The following DNAAF5 variants were observed in gnomAD, a reference collection of about 807,000 sequenced individuals.
DNAAF5 encodes the protein dynein axonemal assembly factor 5.
A neutral mutation model predicts 75.8 loss-of-function variants in DNAAF5; 64 were observed. That is an observed-to-expected ratio of 0.84 (90% CI 0.69 to 1.04). The LOEUF is 1.04. Among genes scored for constraint, DNAAF5 ranks in the 50% least tolerant of loss-of-function variants. DNAAF5 has a pLI of 0.00. For synonymous variants in DNAAF5, 657 were observed against 557.2 expected (o/e 1.18, Z -2.52); for missense variants, 1,269 against 1,178.5 (o/e 1.08, Z -1.12).
intron 1 of DNAAF5, among the ~76,000 whole-genome samples, chr7:728,778 G>A (rs753367867): frequency 6.6e-6 from 1 of 152,108 alleles, no homozygotes; most frequent in African/African-American, 2.4e-5. Context: ...GAGGGACTGT[G>A]CCTCTGCCTG....
At position 785,127 on chromosome 7, in the gene DNAAF5, C is replaced by T. The variant is rs1278579234; in HGVS notation, c.2432-390C>T. Among the ~76,000 whole-genome samples the T allele has an allele frequency of 4.6e-5, 7 of 152,304 alleles. No homozygotes were observed. The East Asian group carries it at 7.7e-4, about 17-fold the overall frequency. Reference sequence around the variant, plus strand: ...GTGTCCACACTGGGACTGCCGTGCACGTGGCCAGCAGCATCAGGTCACTTG... The same window carrying T: ...GTGTCCACACTGGGACTGCCGTGCATGTGGCCAGCAGCATCAGGTCACTTG... On this transcript the variant is annotated intron_variant, in intron 12 of 12. Transcript: ENST00000297440.
At chr7:758,127 C>T (rs1454067727) in intron 6 of DNAAF5, among the ~76,000 whole-genome samples, 2 of 152,218 alleles carry the variant, frequency 1.3e-5, no homozygotes, top group Non-Finnish European at 2.9e-5. Flanking sequence ...TTCCCAAAAC[C>T]CGTTTTTAAC....
At chr7:727,902 GT>G (rs1244473198) in intron 1 of DNAAF5, among the ~76,000 whole-genome samples, 2 of 151,560 alleles carry the variant, frequency 1.3e-5, no homozygotes, top group Non-Finnish European at 2.9e-5. Flanking sequence ...CTGTTAGGCG[GT>G]TTGGGGTGGG....
chr7:785,061 G>A (rs570844222), intron 12 of DNAAF5, among the ~76,000 whole-genome samples: 12 of 151,850 alleles, frequency 7.9e-5, no homozygotes, highest in Admixed American at 3.9e-4. Flanking sequence ...TTATATCCAC[G>A]TTATGACTAC....
intron 8 of DNAAF5, 71 bp from the exon 9 acceptor site, chr7:770,394 AGCCTGG>A: frequency 2.6e-5 from 37 of 1,417,288 alleles, no homozygotes; most frequent in Non-Finnish European, 3.5e-5. Context: ...GGAGCGCCTG[AGCCTGG>A]GCCTGTGCTG....
At chr7:741,902 C>T (rs1781922779) in intron 4 of DNAAF5, among the ~76,000 whole-genome samples, 1 of 152,202 alleles carries the variant, frequency 6.6e-6, no homozygotes, top group Non-Finnish European at 1.5e-5. Flanking sequence ...AGCACGAGGG[C>T]CACGGGTGAG....
Position 741,410 on chromosome 7 carries a change from C to T in DNAAF5, c.969C>T (p.Asp323=), listed in dbSNP as rs201264312. ...AGTGGCAGAAGGAGAATGAGGAGGA[C>T]CTGAAGGACAAGCTGGACTTTGCCC... ...GLQWQKENEE[D]LKDKLDFAPP... Residue 323 remains aspartate, a synonymous_variant, in exon 4 of 13, where the codon GAC becomes GAT. Transcript: ENST00000297440. 6.3e-7 allele frequency: 1 copy of T among 1,577,696 alleles called. No homozygotes were observed.
chr7:754,541 A>G lies in DNAAF5; in HGVS notation c.1025-48A>G. 1 of 1,492,138 alleles carries G rather than the reference A, an allele frequency of 6.7e-7. No individual in the cohort carries two copies. The allele number at this position is 1,492,138 out of a possible 1,614,324, so 92.4% of individuals were successfully genotyped here. A position where few individuals can be genotyped will look rare whatever the true frequency, so the allele number is the denominator to read the frequency against. Reference sequence around the variant, plus strand: ...TGATGTGCGGTAACTTGAGTTGTTGAGGTTTTGCTTGTGAATTTCTCATTC... The same window carrying G: ...TGATGTGCGGTAACTTGAGTTGTTGGGGTTTTGCTTGTGAATTTCTCATTC... On this transcript the variant is annotated intron_variant, in intron 4 of 12. Coordinates refer to ENST00000297440, the MANE Select transcript of DNAAF5 (RefSeq NM_017802.4). The surrounding 1 kb of genome is among the most constrained non-coding windows in gnomAD (Gnocchi z 4.8).
intron 1 of DNAAF5, among the ~76,000 whole-genome samples, chr7:728,771 G>A (rs1422153887): frequency 6.6e-6 from 1 of 152,082 alleles, no homozygotes; most frequent in Non-Finnish European, 1.5e-5. Context: ...GTGGGGTGAG[G>A]GACTGTGCCT....
intron 5 of DNAAF5, among the ~76,000 whole-genome samples, chr7:755,672 A>G (rs1295196046): frequency 1.3e-5 from 2 of 152,136 alleles, no homozygotes; most frequent in Non-Finnish European, 2.9e-5. Flanking sequence ...TTGAGGCCTC[A>G]GTGAGCTATG....
At chr7:746,205 C>G (rs1187078831) in intron 4 of DNAAF5, among the ~76,000 whole-genome samples, 1 of 152,146 alleles carries the variant, frequency 6.6e-6, no homozygotes, top group Non-Finnish European at 1.5e-5. Flanking sequence ...AGCACACACC[C>G]TCCCTGCCGT....
intron 6 of DNAAF5, among the ~76,000 whole-genome samples, chr7:758,413 A>G (rs770733368): frequency 1.3e-5 from 2 of 152,180 alleles, no homozygotes; most frequent in Non-Finnish European, 2.9e-5. Context: ...ATCGAGGAAA[A>G]ATTTAATCAC....
At position 786,415 on chromosome 7, in the gene DNAAF5, C is replaced by T. The variant is rs1386108776; in HGVS notation, c.*762C>T. Reference sequence around the variant, plus strand: ...CGGGGGAAATGCCGTATATATTTTTCAACAAATATTAACGTTTATACTTTC... The same window carrying T: ...CGGGGGAAATGCCGTATATATTTTTTAACAAATATTAACGTTTATACTTTC... On this transcript the variant is annotated 3_prime_UTR_variant, in exon 13 of 13. Coordinates refer to ENST00000297440, the MANE Select transcript of DNAAF5 (RefSeq NM_017802.4). 1.3e-5 allele frequency: 2 copies of T among 152,190 alleles called. No individual in the cohort carries two copies. Among genetic ancestry groups the T allele is most frequent in the East Asian group, 3.9e-4 (2 of 5,194 alleles). The allele number at this position is 152,190 out of a possible 1,614,324, so 9.4% of individuals were successfully genotyped here. A position where few individuals can be genotyped will look rare whatever the true frequency, so the allele number is the denominator to read the frequency against.
At chr7:741,321 A>C (rs1781902058) in intron 3 of DNAAF5, 26 bp from the exon 4 acceptor site, 1 of 1,551,252 alleles carries the variant, frequency 6.4e-7, no homozygotes, top group African/African-American at 1.4e-5. Context: ...GCCCTGAGCC[A>C]CTGTTGTCTG....
chr7:779,728 C>T (rs1017175070), intron 11 of DNAAF5, among the ~76,000 whole-genome samples: 7 of 152,202 alleles, frequency 4.6e-5, no homozygotes, highest in Non-Finnish European at 8.8e-5. Flanking sequence ...GGGGCCGCAG[C>T]AGGGCCTGGG....
intron 8 of DNAAF5, among the ~76,000 whole-genome samples, chr7:766,499 G>A (rs1445030112): frequency 1.3e-5 from 2 of 152,194 alleles, no homozygotes; most frequent in Non-Finnish European, 2.9e-5. Context: ...GATCTACAAA[G>A]ACATTGATTT....
rs1174226762 is a variant in DNAAF5 at position 773,826 on chromosome 7, CA to C, written c.1932-221del. 2.6e-5 allele frequency among the ~76,000 whole-genome samples: 4 copies of C among 152,134 alleles called. 1 individual carries two copies. In the South Asian group the frequency reaches 6.2e-4, roughly 24 times the overall value. On this transcript the variant is annotated intron_variant, in intron 9 of 12. Coordinates refer to ENST00000297440, the MANE Select transcript of DNAAF5 (RefSeq NM_017802.4). ...GACCTACGCGGGCCGCAGGAGAGGC[CA>C]GGGGCACAGGCACCCCTGTCTCCCC...
At position 763,904 on chromosome 7, in the gene DNAAF5, C is replaced by T. The variant is rs200806559; in HGVS notation, c.1713C>T (p.Thr571=). ...TTGGTCCCCTCCTGGAGCGGGTGACCGCGTCGCACCTTGACTGGACCGCAC... is the reference window on the plus strand; with the variant it reads ...TTGGTCCCCTCCTGGAGCGGGTGACTGCGTCGCACCTTGACTGGACCGCAC... The part of the protein sequence containing the change: ...KHIGPLLERV[T]ASHLDWTAHS... The change falls in exon 8 of 13, where the codon ACC becomes ACT. Residue 571 remains threonine (T), a synonymous_variant. Transcript: ENST00000297440. The T allele has an allele frequency of 9.3e-6, 15 of 1,612,098 alleles. No homozygotes were observed. The highest frequency in any genetic ancestry group is 3.3e-5 in the Admixed American group (2 of 60,004).
At position 753,964 on chromosome 7, in the gene DNAAF5, CTCA is replaced by C. The variant is rs750765525; in HGVS notation, c.1025-620_1025-618del. On this transcript the variant is annotated intron_variant, in intron 4 of 12. Coordinates refer to ENST00000297440, the MANE Select transcript of DNAAF5 (RefSeq NM_017802.4). ...GGGACGGCTTCGCAGGCGTGTCTCT[CTCA>C]TCATATGGCGATGGCTTCGCAGGCG... Among the ~76,000 whole-genome samples the C allele has an allele frequency of 4.4e-3, 630 of 143,484 alleles. 11 individuals are homozygous for C. In the East Asian group the frequency reaches 0.051, roughly 12 times the overall value. The allele number at this position is 143,484 out of a possible 152,430, so 94.1% of individuals were successfully genotyped here.
Sources: allele counts gnomAD v4.1 joint callset (sites outside exome capture counted in the v4.1 genomes callset), GRCh38; gene constraint gnomAD v4.1.1; non-coding constraint Gnocchi (gnomAD v3.1); transcripts MANE v1.5; gene names NCBI Gene and HGNC (gene_info 2026-07-23, HGNC 2026-07-21).